CAP2: variants seen among roughly 807,000 people sequenced by gnomAD.
CAP2 encodes adenylyl cyclase-associated protein 2.
Under a neutral mutation model 57.7 loss-of-function variants are expected in CAP2, and 24 were observed. The observed-to-expected ratio is 0.42, with a 90% CI of 0.30 to 0.58. CAP2 has a LOEUF of 0.58. Among genes scored for constraint, CAP2 ranks in the 20% least tolerant of loss-of-function variants. CAP2 has a pLI of 0.22. For synonymous variants in CAP2, 194 were observed against 207.2 expected (o/e 0.94, Z 0.55); for missense variants, 501 against 590.3 (o/e 0.85, Z 1.57).
chr6:17,496,612 C>T (rs942151183), intron 4 of CAP2, among the ~76,000 whole-genome samples: 3 of 152,062 alleles, frequency 2.0e-5, no homozygotes, highest in East Asian at 1.9e-4. Flanking sequence ...AGGTGTGAGC[C>T]GCCACTCCCA....
At chr6:17,441,851 A>G (rs1187614941) in intron 3 of CAP2, among the ~76,000 whole-genome samples, 3 of 152,198 alleles carry the variant, frequency 2.0e-5, no homozygotes, top group African/African-American at 7.2e-5. Context: ...GAAATGTGTA[A>G]CTGTTGAAAA....
At chr6:17,537,163 T>TGAAAATA (rs1762792505) in intron 7 of CAP2, among the ~76,000 whole-genome samples, 1 of 152,176 alleles carries the variant, frequency 6.6e-6, no homozygotes, top group South Asian at 2.1e-4. Context: ...ATAAGTGCTT[T>TGAAAATA]GAAAATAGCG....
chr6:17,514,341 C>T (rs1247483430), intron 7 of CAP2, among the ~76,000 whole-genome samples: 3 of 151,900 alleles, frequency 2.0e-5, no homozygotes, highest in African/African-American at 2.4e-5. Flanking sequence ...CCAGCCTGGG[C>T]GACAGAGCAA....
intron 1 of CAP2, among the ~76,000 whole-genome samples, chr6:17,407,266 T>C (rs1168209837): frequency 6.6e-6 from 1 of 152,184 alleles, no homozygotes; most frequent in Non-Finnish European, 1.5e-5. Flanking sequence ...GAAGAACCTG[T>C]AGTTTTTTAG....
chr6:17,490,255 A>G (rs1360830487), intron 4 of CAP2, among the ~76,000 whole-genome samples: 1 of 152,180 alleles, frequency 6.6e-6, no homozygotes, highest in Non-Finnish European at 1.5e-5. Context: ...AGATATCTCC[A>G]AAAGACTTCT....
intron 4 of CAP2, among the ~76,000 whole-genome samples, chr6:17,479,093 T>A (rs1465463064): frequency 6.6e-6 from 1 of 152,180 alleles, no homozygotes; most frequent in East Asian, 1.9e-4. Context: ...GGTCCGTCAC[T>A]CATCTGCTGG....
At chr6:17,412,638 G>A (rs1248657946) in intron 1 of CAP2, among the ~76,000 whole-genome samples, 2 of 152,194 alleles carry the variant, frequency 1.3e-5, no homozygotes, top group African/African-American at 4.8e-5. Flanking sequence ...GTTCTGAGGG[G>A]TGATACCTCC....
chr6:17,478,002 AAT>A (rs1581553214), intron 4 of CAP2, among the ~76,000 whole-genome samples: 1 of 147,978 alleles, frequency 6.8e-6, no homozygotes, highest in Non-Finnish European at 1.5e-5. Context: ...AAATATATAT[AAT>A]ATATATAAAT....
Position 17,557,180 on chromosome 6 carries a change from G to C in CAP2, c.*738G>C, listed in dbSNP as rs1024966374. ...TTAAACAGAAGAAATCATTTTTTTT[G>C]CTATGTAATACCTCGCAACTTTGCT... On this transcript the variant is annotated 3_prime_UTR_variant, in exon 13 of 13. Transcript: ENST00000229922. The C allele has an allele frequency of 6.6e-6, 1 of 150,600 alleles. No homozygotes were observed. The highest frequency in any genetic ancestry group is 1.5e-5 in the Non-Finnish European group (1 of 67,704). 9.3% of individuals were successfully genotyped at this position (150,600 alleles called of 1,614,324 possible).
intron 1 of CAP2, among the ~76,000 whole-genome samples, chr6:17,406,195 C>G (rs572256264): frequency 2.9e-4 from 44 of 152,200 alleles, no homozygotes; most frequent in African/African-American, 6.7e-4. Flanking sequence ...ACCTCTACCC[C>G]AAGATCCCTT....
At chr6:17,532,134 CTTTTTTTTTTTT>C (rs35428314) in intron 7 of CAP2, among the ~76,000 whole-genome samples, 1 of 86,000 alleles carries the variant, frequency 1.2e-5, no homozygotes, top group Admixed American at 1.6e-4. Context: ...GTTTGAAAAT[CTTTTTTTTTTTT>C]TTTTTTTTTT....
intron 7 of CAP2, among the ~76,000 whole-genome samples, chr6:17,516,746 A>G (rs1762281414): frequency 6.6e-6 from 1 of 152,236 alleles, no homozygotes; most frequent in African/African-American, 2.4e-5. Flanking sequence ...CCCTGTCAGT[A>G]TAGTAAGCAG....
rs1022558 is a variant in CAP2 at position 17,454,419 on chromosome 6, C to T, written c.223-8577C>T. Among the ~76,000 whole-genome samples the T allele has an allele frequency of 5.3e-5, 8 of 152,226 alleles. No individual in the cohort carries two copies. The South Asian group carries it at 6.2e-4, about 12-fold the overall frequency. On this transcript the variant is annotated intron_variant, in intron 3 of 12. Transcript: ENST00000229922. ...GATTATAAAAACATAAGTGTCCAGG[C>T]GCTGGCTGAGTAGGGATGTGATGAG...
At chr6:17,468,906 C>T (rs191249697) in intron 4 of CAP2, among the ~76,000 whole-genome samples, 60 of 152,344 alleles carry the variant, frequency 3.9e-4, no homozygotes, top group African/African-American at 1.3e-3. Context: ...ATTCACTGTC[C>T]AGAGTCCTTT....
chr6:17,500,251 T>A (rs1401969535), intron 4 of CAP2, among the ~76,000 whole-genome samples: 2 of 148,480 alleles, frequency 1.3e-5, no homozygotes, highest in East Asian at 4.0e-4. Flanking sequence ...TGAACATTTC[T>A]GATTTGTAAA....
Position 17,544,139 on chromosome 6 carries a change from A to G in CAP2, c.1209+996A>G, listed in dbSNP as rs576101894. On this transcript the variant is annotated intron_variant, in intron 11 of 12. Coordinates refer to ENST00000229922, the MANE Select transcript of CAP2 (RefSeq NM_006366.3). ...GACTCTGTCTCAAAAAAAAAAAAAG[A>G]AAAGAAAAAAAGGACAGCTATGTAA... is the stretch of plus-strand genomic sequence containing the variant. Among the ~76,000 whole-genome samples the G allele has an allele frequency of 1.2e-3, 178 of 147,362 alleles. 1 individual carries two copies. The highest frequency in any genetic ancestry group is 4.0e-3 in the African/African-American group (161 of 40,466).
At chr6:17,445,141 C>G (rs1029247572) in intron 3 of CAP2, among the ~76,000 whole-genome samples, 1 of 152,204 alleles carries the variant, frequency 6.6e-6, no homozygotes, top group Non-Finnish European at 1.5e-5. Context: ...GAGCCTTACT[C>G]CGCCACCCAG....
chr6:17,469,308 A>T (rs997625735), intron 4 of CAP2, among the ~76,000 whole-genome samples: 1 of 152,330 alleles, frequency 6.6e-6, no homozygotes, highest in African/African-American at 2.4e-5. Flanking sequence ...CCATAAGTAC[A>T]GCAGGCTTTC....
intron 4 of CAP2, among the ~76,000 whole-genome samples, chr6:17,470,585 C>A (rs1055171941): frequency 2.0e-5 from 3 of 152,148 alleles, no homozygotes; most frequent in Non-Finnish European, 4.4e-5. Context: ...AATTCCTCAG[C>A]CATTGAATTG....
Sources: allele counts gnomAD v4.1 joint callset (sites outside exome capture counted in the v4.1 genomes callset), GRCh38; gene constraint gnomAD v4.1.1; transcripts MANE v1.5; gene names NCBI Gene and HGNC (gene_info 2026-07-23, HGNC 2026-07-21).